GAREM1: variants seen among roughly 807,000 people sequenced by gnomAD.
GAREM1 encodes the protein GRB2-associated and regulator of MAPK protein 1.
GAREM1 carries 26 observed loss-of-function variants against 71.3 expected under a neutral mutation model. The observed-to-expected ratio is 0.36, with a 90% CI of 0.27 to 0.51. The LOEUF is 0.51. GAREM1 is among the 20% of genes least tolerant of loss of function. The pLI, the probability that GAREM1 is intolerant of heterozygous loss-of-function variation, is 0.95. For missense variants in GAREM1, 1,026 were observed against 1,103.1 expected, an observed-to-expected ratio of 0.93 and a Z score of 0.99; for synonymous variants, 440 against 433.2, an observed-to-expected ratio of 1.02 and a Z score of -0.20.
In GAREM1 at chr18:32,287,243, G is replaced by T. The variant is rs749493102; in HGVS notation, c.1354C>A (p.Pro452Thr). ...TCCTCCAGCCACAGCTCTTCGTAGG[G>T]AAGTTCTGACTTTCCCGGGATGCCT... Reference protein sequence around the residue: ...SAGIPGKSELPYEELWLEEGK... With the variant: ...SAGIPGKSELTYEELWLEEGK... The change falls in exon 4 of 6, where the codon CCC becomes ACC. Residue 452 changes from proline (P) to threonine (T), a missense_variant. Pro to Thr is a conservative substitution (Grantham distance 38). Transcript: ENST00000269209. This position sits in a 1 kb window ranked among gnomAD's most constrained non-coding sequence, Gnocchi z 5.9. 1.2e-6 allele frequency: 2 copies of T among 1,614,234 alleles called. No individual in the cohort carries two copies. Among genetic ancestry groups the T allele is most frequent in the Non-Finnish European group, 1.7e-6 (2 of 1,180,028 alleles).
rs1486779904 is a variant in GAREM1, at chr18:32,363,987, CATATATACATATATATATATATATAT to C, written c.262+28882_262+28907del. 3.4e-3 allele frequency among the ~76,000 whole-genome samples: 92 copies of C among 27,092 alleles called. 3 individuals are homozygous for C. In the South Asian group the frequency reaches 0.12, roughly 35 times the overall value. The allele number at this position is 27,092 out of a possible 152,430, so 17.8% of individuals were successfully genotyped here. A position where few individuals can be genotyped will look rare whatever the true frequency, so the allele number is the denominator to read the frequency against. On this transcript the variant is annotated intron_variant, in intron 2 of 5. Coordinates refer to ENST00000269209, the MANE Select transcript of GAREM1 (RefSeq NM_001242409.2). The stretch of plus-strand genomic sequence containing the variant: ...ATATACATACACAAATACATAAATA[CATATATACATATATATATATATATAT>C]ATATATATATATATGTTTTTTTTTT...
At chr18:32,448,984 A>G (rs1314003550) in intron 1 of GAREM1, among the ~76,000 whole-genome samples, 1 of 152,034 alleles carries the variant, frequency 6.6e-6, no homozygotes, top group Non-Finnish European at 1.5e-5. Context: ...TGGACAGAAG[A>G]CTCTCTCATT....
At chr18:32,393,175 GA>G in intron 1 of GAREM1, 140 bp from the exon 2 acceptor site, 1 of 608,890 alleles carries the variant, frequency 1.6e-6, no homozygotes, top group Non-Finnish European at 2.5e-6. Context: ...GTTTACCTCT[GA>G]ATTGTTTTTT....
rs577506141 is a variant in GAREM1 at position 32,294,291 on chromosome 18, C to T, written c.394-6088G>A. ...AAAAAGATACGTTATATTACGCATACGTGTATCTGTATATGTGAGTGGAGT... is the reference window on the plus strand; with the variant it reads ...AAAAAGATACGTTATATTACGCATATGTGTATCTGTATATGTGAGTGGAGT... On this transcript the variant is annotated intron_variant, in intron 3 of 5. Coordinates refer to ENST00000269209, the MANE Select transcript of GAREM1 (RefSeq NM_001242409.2). 2.0e-5 allele frequency among the ~76,000 whole-genome samples: 3 copies of T among 152,236 alleles called. No individual in the cohort carries two copies. In the South Asian group the frequency reaches 6.2e-4, roughly 32 times the overall value.
chr18:32,292,619 A>G (rs1009904810), intron 3 of GAREM1, among the ~76,000 whole-genome samples: 2 of 152,088 alleles, frequency 1.3e-5, no homozygotes, highest in African/African-American at 4.8e-5. Context: ...TTCTCACGAG[A>G]TATCATGGTT....
At chr18:32,290,700 A>C (rs2047073629) in intron 3 of GAREM1, among the ~76,000 whole-genome samples, 1 of 152,102 alleles carries the variant, frequency 6.6e-6, no homozygotes, top group Non-Finnish European at 1.5e-5. Flanking sequence ...ATTAACTAAC[A>C]AGATGTACAA....
chr18:32,283,045 C>G (rs975202170), intron 4 of GAREM1, among the ~76,000 whole-genome samples: 1 of 152,166 alleles, frequency 6.6e-6, no homozygotes, highest in African/African-American at 2.4e-5. Flanking sequence ...TCATTCTGAT[C>G]TGGGGGCACC....
chr18:32,298,531 T>G (rs764256406), intron 3 of GAREM1, among the ~76,000 whole-genome samples: 4 of 152,146 alleles, frequency 2.6e-5, no homozygotes, highest in Admixed American at 6.5e-5. Context: ...ACAACTCTAA[T>G]AGGTCTGATC....
chr18:32,395,978 A>G (rs910929171), intron 1 of GAREM1, among the ~76,000 whole-genome samples: 18 of 152,332 alleles, frequency 1.2e-4, no homozygotes, highest in African/African-American at 4.1e-4. Context: ...CCAGAGGAAC[A>G]ATCAGGCAGC....
chr18:32,331,637 C>T (rs1308696179), intron 2 of GAREM1: 5 of 152,162 alleles, frequency 3.3e-5, no homozygotes, highest in Non-Finnish European at 2.9e-5. Context: ...GTGTCTGATT[C>T]AGAAGGTGTC....
At chr18:32,437,749 A>AG (rs1342492969) in intron 1 of GAREM1, among the ~76,000 whole-genome samples, 1 of 152,208 alleles carries the variant, frequency 6.6e-6, no homozygotes, top group African/African-American at 2.4e-5. Context: ...ATGACACTTC[A>AG]GTGGCAGTCT....
intron 1 of GAREM1, among the ~76,000 whole-genome samples, chr18:32,415,509 G>A (rs1005977186): frequency 6.6e-6 from 1 of 151,908 alleles, no homozygotes; most frequent in Non-Finnish European, 1.5e-5. Context: ...ACAATATACT[G>A]AGAAGCTCAT....
intron 1 of GAREM1, 126 bp from the exon 2 acceptor site, chr18:32,393,161 TAA>T (rs960691158): frequency 3.6e-6 from 3 of 826,576 alleles, no homozygotes; most frequent in Admixed American, 3.0e-5. Flanking sequence ...CAAGATGAGA[TAA>T]AGTTTACCTC....
intron 1 of GAREM1, among the ~76,000 whole-genome samples, chr18:32,466,203 G>C (rs2048997506): frequency 6.6e-6 from 1 of 151,828 alleles, no homozygotes. Context: ...GAGTATGGCA[G>C]AGTGATCAAT....
chr18:32,420,165 T>C (rs2048506224), intron 1 of GAREM1, among the ~76,000 whole-genome samples: 1 of 152,210 alleles, frequency 6.6e-6, no homozygotes, highest in African/African-American at 2.4e-5. Context: ...TTTTTAAAGT[T>C]AACTGAGCAT....
chr18:32,462,735 C>A (rs2048964034), intron 1 of GAREM1, among the ~76,000 whole-genome samples: 1 of 152,200 alleles, frequency 6.6e-6, no homozygotes, highest in South Asian at 2.1e-4. Flanking sequence ...TGAGTAGTTT[C>A]ATAGTTTCTG....
intron 3 of GAREM1, among the ~76,000 whole-genome samples, chr18:32,299,198 T>TA (rs984285962): frequency 1.3e-5 from 2 of 151,706 alleles, no homozygotes; most frequent in African/African-American, 4.8e-5. Context: ...AACATATAAT[T>TA]AAAAAAAACT....
chr18:32,281,580 C>A (rs1202263919), intron 4 of GAREM1, among the ~76,000 whole-genome samples: 1 of 152,184 alleles, frequency 6.6e-6, no homozygotes, highest in Non-Finnish European at 1.5e-5. Flanking sequence ...TAGTTGAAAC[C>A]AGTGGTTCAC....
chr18:32,342,279 T>A (rs1266840298), intron 2 of GAREM1, among the ~76,000 whole-genome samples: 1 of 152,130 alleles, frequency 6.6e-6, no homozygotes, highest in Non-Finnish European at 1.5e-5. Context: ...ACATTTACCA[T>A]CAATAACTCT....
Sources: gnomAD v4.1 joint callset for allele counts (sites outside exome capture counted in the v4.1 genomes callset) on GRCh38, gnomAD v4.1.1 for gene constraint, Gnocchi (gnomAD v3.1) non-coding constraint, MANE v1.5 for transcripts, NCBI Gene and HGNC (gene_info 2026-07-23, HGNC 2026-07-21) for gene names.